Variants in COL21A1 observed in about 807,000 individuals in gnomAD.
COL21A1 encodes collagen alpha-1(XXI) chain.
In COL21A1, 149 loss-of-function variants were observed where a neutral mutation model predicts 137.9. The observed-to-expected ratio is 1.08, with a 90% CI of 0.95 to 1.24. The LOEUF (loss-of-function observed/expected upper bound fraction) is 1.24. Among genes scored for constraint, COL21A1 ranks in the 50% most tolerant of loss-of-function variants. The pLI is 0.00. For synonymous variants in COL21A1, 456 were observed against 391.5 expected, an observed-to-expected ratio of 1.16 and a Z score of -1.95; for missense variants, 1,167 against 1,158.4, an observed-to-expected ratio of 1.01 and a Z score of -0.11.
At chr6:56,376,369 G>A (rs1041765741) in intron 1 of COL21A1, among the ~76,000 whole-genome samples, 1 of 152,138 alleles carries the variant, frequency 6.6e-6, no homozygotes, top group African/African-American at 2.4e-5. Context: ...GAGAAGACAT[G>A]CTTTTGGAAA....
At chr6:56,391,460 G>A (rs1014496302) in intron 1 of COL21A1, among the ~76,000 whole-genome samples, 4 of 151,862 alleles carry the variant, frequency 2.6e-5, no homozygotes, top group Admixed American at 6.6e-5. Context: ...TAAATGTAAC[G>A]AGACTAAGAA....
intron 17 of COL21A1, among the ~76,000 whole-genome samples, chr6:56,078,483 C>T (rs1016545173): frequency 2.6e-5 from 4 of 151,522 alleles, no homozygotes; most frequent in East Asian, 1.9e-4. Flanking sequence ...CTTTGCAAAC[C>T]CTCTGCACTA....
At chr6:56,177,383 A>C (rs1159583937) in intron 3 of COL21A1, among the ~76,000 whole-genome samples, 1 of 151,976 alleles carries the variant, frequency 6.6e-6, no homozygotes, top group African/African-American at 2.4e-5. Context: ...AGTATGTGTC[A>C]AAGAAAAAGC....
At chr6:56,171,706 G>C (rs189110593) in intron 3 of COL21A1, among the ~76,000 whole-genome samples, 1 of 151,808 alleles carries the variant, frequency 6.6e-6, no homozygotes, top group African/African-American at 2.4e-5. Flanking sequence ...AACTTAACCT[G>C]GGTCCCATCT....
intron 18 of COL21A1, among the ~76,000 whole-genome samples, chr6:56,077,169 A>C (rs1050050807): frequency 1.3e-5 from 2 of 151,416 alleles, no homozygotes; most frequent in Non-Finnish European, 3.0e-5. Flanking sequence ...AGAAGTTTGT[A>C]ATTAAATAAA....
intron 1 of COL21A1, among the ~76,000 whole-genome samples, chr6:56,305,741 G>T (rs1187112253): frequency 6.6e-6 from 1 of 151,838 alleles, no homozygotes; most frequent in African/African-American, 2.4e-5. Context: ...TACATTTAAG[G>T]TTAATATTGT....
At position 56,214,669 on chromosome 6, in the gene COL21A1, T is replaced by C. The variant is rs552335881; in HGVS notation, c.-38-32013A>G. On this transcript the variant is annotated intron_variant, in intron 1 of 29. Coordinates refer to ENST00000244728, the MANE Select transcript of COL21A1 (RefSeq NM_030820.4). ...CCCCTTTTTTTTTTCATTTAGAACATTTTTTGCAAATTAGAAATCCATTTG... is the reference window on the plus strand; with the variant it reads ...CCCCTTTTTTTTTTCATTTAGAACACTTTTTGCAAATTAGAAATCCATTTG... Among the ~76,000 whole-genome samples the C allele has an allele frequency of 5.9e-5, 9 of 152,092 alleles. No homozygotes were observed. The East Asian group carries it at 1.4e-3, about 23-fold the overall frequency.
At chr6:56,097,764 T>A (rs1769493153) in intron 17 of COL21A1, among the ~76,000 whole-genome samples, 2 of 122,848 alleles carry the variant, frequency 1.6e-5, no homozygotes, top group African/African-American at 3.1e-5. Flanking sequence ...TATATATATA[T>A]AAATATATAT....
intron 1 of COL21A1, among the ~76,000 whole-genome samples, chr6:56,362,562 C>G (rs183929905): frequency 6.6e-6 from 1 of 152,094 alleles, no homozygotes; most frequent in Non-Finnish European, 1.5e-5. Context: ...GTTTAAGAAA[C>G]GCTGATTTTG....
At chr6:56,207,635 A>G (rs184951639) in intron 1 of COL21A1, among the ~76,000 whole-genome samples, 329 of 152,312 alleles carry the variant, frequency 2.2e-3, no homozygotes, top group Non-Finnish European at 3.5e-3. Context: ...ATTCCTTCTG[A>G]AACTATTCCA....
intron 1 of COL21A1, among the ~76,000 whole-genome samples, chr6:56,271,587 A>G (rs1337996842): frequency 2.0e-5 from 3 of 152,246 alleles, no homozygotes; most frequent in African/African-American, 7.2e-5. Context: ...AGAAATGTGC[A>G]TAAGTAACTA....
At chr6:56,315,399 T>C (rs1189436804) in intron 1 of COL21A1, among the ~76,000 whole-genome samples, 1 of 152,222 alleles carries the variant, frequency 6.6e-6, no homozygotes, top group Non-Finnish European at 1.5e-5. Context: ...GATTATCTCA[T>C]TATTAAAGTT....
intron 1 of COL21A1, among the ~76,000 whole-genome samples, chr6:56,311,196 A>G (rs4602722): frequency 0.85 from 129,467 of 152,262 alleles, 57,486 homozygotes; most frequent in South Asian, 0.99. Flanking sequence ...ACACAAAGAT[A>G]GTGAGTAAAT....
chr6:56,342,276 T>C (rs1209558303), intron 1 of COL21A1, among the ~76,000 whole-genome samples: 3 of 152,240 alleles, frequency 2.0e-5, no homozygotes, highest in Non-Finnish European at 4.4e-5. Flanking sequence ...TGTATATACA[T>C]GGTTTCTATT....
chr6:56,305,224 A>G (rs1187671437), intron 1 of COL21A1, among the ~76,000 whole-genome samples: 3 of 152,188 alleles, frequency 2.0e-5, no homozygotes, highest in South Asian at 4.2e-4. Context: ...TTTGGGGTGG[A>G]GAGTTCTGTA....
At chr6:56,364,991 G>T (rs573179500) in intron 1 of COL21A1, among the ~76,000 whole-genome samples, 1 of 152,076 alleles carries the variant, frequency 6.6e-6, no homozygotes. Context: ...CCCAAGAGAC[G>T]ACTCTGGGAT....
chr6:56,100,202 T>A (rs879319538), intron 17 of COL21A1, among the ~76,000 whole-genome samples: 5 of 152,232 alleles, frequency 3.3e-5, no homozygotes, highest in Non-Finnish European at 5.9e-5. Flanking sequence ...ATCTCACATA[T>A]GTGTCTTCAT....
chr6:56,189,467 T>C (rs1778517911), intron 1 of COL21A1, among the ~76,000 whole-genome samples: 2 of 151,946 alleles, frequency 1.3e-5, no homozygotes, highest in Admixed American at 6.6e-5. Context: ...TATGGGAATA[T>C]GTGAAAAGAC....
At chr6:56,142,906 C>T (rs1393924502) in intron 10 of COL21A1, among the ~76,000 whole-genome samples, 2 of 152,150 alleles carry the variant, frequency 1.3e-5, no homozygotes, top group African/African-American at 4.8e-5. Flanking sequence ...ATTCATAAAT[C>T]TAAAAGCTTC....
Sources: allele counts gnomAD v4.1 joint callset (sites outside exome capture counted in the v4.1 genomes callset), GRCh38; gene constraint gnomAD v4.1.1; transcripts MANE v1.5; gene names NCBI Gene and HGNC (gene_info 2026-07-23, HGNC 2026-07-21).